Variants in PDS5B observed in about 807,000 individuals in gnomAD.
The protein encoded by PDS5B is sister chromatid cohesion protein PDS5 homolog B.
A neutral mutation model predicts 184.1 loss-of-function variants in PDS5B; 51 were observed. That is an observed-to-expected ratio of 0.28 (90% CI 0.22 to 0.35). The LOEUF is 0.35. PDS5B is among the 10% of genes least tolerant of loss of function. The pLI is 1.00. For synonymous variants in PDS5B, 566 were observed against 569.2 expected, an observed-to-expected ratio of 0.99 and a Z score of 0.08; for missense variants, 1,180 against 1,723.3, an observed-to-expected ratio of 0.68 and a Z score of 5.58.
intron 29 of PDS5B, among the ~76,000 whole-genome samples, chr13:32,760,126 T>C (rs913726184): frequency 5.9e-5 from 9 of 152,130 alleles, no homozygotes; most frequent in Non-Finnish European, 8.8e-5. Context: ...TGGCTAATTT[T>C]TTGTATTTTT....
At chr13:32,625,855 T>G (rs1332705448) in intron 1 of PDS5B, among the ~76,000 whole-genome samples, 1 of 136,962 alleles carries the variant, frequency 7.3e-6, no homozygotes, top group Non-Finnish European at 1.6e-5. Context: ...TTTTTTTTTT[T>G]GAGACAGGGT....
intron 1 of PDS5B, among the ~76,000 whole-genome samples, chr13:32,594,829 C>G (rs369918000): frequency 6.6e-6 from 1 of 152,052 alleles, no homozygotes; most frequent in African/African-American, 2.4e-5. Flanking sequence ...TAGTGAGAGC[C>G]TGATGTCTGT....
At chr13:32,586,975 G>T (rs1310484131) in intron 1 of PDS5B, among the ~76,000 whole-genome samples, 1 of 137,864 alleles carries the variant, frequency 7.3e-6, no homozygotes, top group Non-Finnish European at 1.6e-5. Context: ...GGGGCCGCCC[G>T]GCCGCCCGCG....
At chr13:32,756,357 G>T (rs1472558167) in intron 26 of PDS5B, among the ~76,000 whole-genome samples, 2 of 152,078 alleles carry the variant, frequency 1.3e-5, no homozygotes, top group African/African-American at 4.8e-5. Flanking sequence ...ATCTTCCTCT[G>T]TAGAAGGAGA....
At chr13:32,632,460 G>T (rs1456152969) in intron 1 of PDS5B, among the ~76,000 whole-genome samples, 3 of 152,070 alleles carry the variant, frequency 2.0e-5, no homozygotes, top group Non-Finnish European at 4.4e-5. Context: ...ACATAATGAG[G>T]TTACACTGCA....
At chr13:32,710,177 T>C in intron 19 of PDS5B, 71 bp downstream of exon 19, 2 of 1,093,398 alleles carry the variant, frequency 1.8e-6, no homozygotes, top group Non-Finnish European at 2.5e-6. Flanking sequence ...TATGCAATAA[T>C]TGGGAATCTT....
intron 1 of PDS5B, among the ~76,000 whole-genome samples, chr13:32,640,404 G>T (rs1187083279): frequency 6.6e-6 from 1 of 152,056 alleles, no homozygotes; most frequent in Non-Finnish European, 1.5e-5. Flanking sequence ...GCGCCACCAT[G>T]CCCAGCTAAT....
At position 32,709,971 on chromosome 13, in the gene PDS5B, C is replaced by T; in HGVS notation, c.1988C>T (p.Ser663Leu). The T allele has an allele frequency of 2.0e-6, 3 of 1,485,376 alleles. No individual in the cohort carries two copies. Among genetic ancestry groups the T allele is most frequent in the Non-Finnish European group, 1.8e-6 (2 of 1,099,860 alleles). 92.0% of individuals were successfully genotyped at this position (1,485,376 alleles called of 1,614,324 possible). The change falls in exon 19 of 35, where the codon TCA (serine) becomes TTA (leucine). Residue 663 changes from serine to leucine, a missense_variant. Coordinates refer to ENST00000315596, the MANE Select transcript of PDS5B (RefSeq NM_015032.4). ...LKVLSFTHPI[S>L]FHSAETFESL... is the part of the protein sequence containing the mutation. Reference sequence around the variant, plus strand: ...GTACTCTCATTTACACATCCCATCTCATTTCATTCTGCTGAAACATTTGAA... The same window carrying T: ...GTACTCTCATTTACACATCCCATCTTATTTCATTCTGCTGAAACATTTGAA...
At chr13:32,761,023 A>G (rs552049850) in intron 30 of PDS5B, among the ~76,000 whole-genome samples, 13 of 152,340 alleles carry the variant, frequency 8.5e-5, no homozygotes, top group Admixed American at 1.3e-4. Flanking sequence ...GTATGATACA[A>G]TGGAATACAT....
At chr13:32,721,047 A>G (rs1952661417) in intron 19 of PDS5B, among the ~76,000 whole-genome samples, 1 of 152,230 alleles carries the variant, frequency 6.6e-6, no homozygotes, top group Non-Finnish European at 1.5e-5. Context: ...ACTTCTTTCT[A>G]CACAGACACA....
chr13:32,677,726 C>CT (rs1218841307), intron 9 of PDS5B, among the ~76,000 whole-genome samples: 1 of 151,430 alleles, frequency 6.6e-6, no homozygotes, highest in Non-Finnish European at 1.5e-5. Context: ...GTTTTGAAGA[C>CT]TTTTTCCCAC....
At chr13:32,620,708 A>G (rs73451434) in intron 1 of PDS5B, among the ~76,000 whole-genome samples, 1,585 of 151,092 alleles carry the variant, frequency 0.01, 38 homozygotes, top group African/African-American at 0.036. Flanking sequence ...GATTGTTTCT[A>G]GCTTTAGAGG....
chr13:32,686,540 T>C (rs1281280172), intron 11 of PDS5B, among the ~76,000 whole-genome samples: 1 of 152,158 alleles, frequency 6.6e-6, no homozygotes, highest in Non-Finnish European at 1.5e-5. Context: ...TCCCAGCACT[T>C]TAGGAGGCTG....
intron 17 of PDS5B, among the ~76,000 whole-genome samples, chr13:32,704,708 A>G (rs942218498): frequency 6.6e-6 from 1 of 152,218 alleles, no homozygotes; most frequent in African/African-American, 2.4e-5. Flanking sequence ...AAGTTCTTTC[A>G]TCCCTCCTTC....
intron 6 of PDS5B, among the ~76,000 whole-genome samples, chr13:32,662,718 A>G (rs938107653): frequency 6.6e-6 from 1 of 152,164 alleles, no homozygotes; most frequent in African/African-American, 2.4e-5. Context: ...TAATAAAAAC[A>G]TGAGAATAAA....
chr13:32,673,389 C>G (rs1182697877), intron 8 of PDS5B, 33 bp downstream of exon 8: 1 of 1,559,806 alleles, frequency 6.4e-7, no homozygotes, highest in Non-Finnish European at 8.8e-7. Context: ...TTCTACCAAC[C>G]AAGTTATTAG....
At chr13:32,753,562 A>G (rs549758722) in intron 25 of PDS5B, 26 bp downstream of exon 25, 4 of 1,507,546 alleles carry the variant, frequency 2.7e-6, no homozygotes, top group South Asian at 1.2e-5. Context: ...AATGGAAAGG[A>G]TACTTTTTCA....
intron 15 of PDS5B, among the ~76,000 whole-genome samples, chr13:32,699,408 T>C (rs1208181917): frequency 6.6e-6 from 1 of 152,282 alleles, no homozygotes; most frequent in Non-Finnish European, 1.5e-5. Flanking sequence ...TGCAACAAGC[T>C]CAAGGGGACA....
chr13:32,680,113 T>C (rs1951196395), intron 10 of PDS5B, among the ~76,000 whole-genome samples: 1 of 152,182 alleles, frequency 6.6e-6, no homozygotes, highest in South Asian at 2.1e-4. Context: ...TGCTTTTGTC[T>C]TTTTTTCCAT....
Sources: gnomAD v4.1 joint callset for allele counts (sites outside exome capture counted in the v4.1 genomes callset) on GRCh38, gnomAD v4.1.1 for gene constraint, MANE v1.5 for transcripts, NCBI Gene and HGNC (gene_info 2026-07-23, HGNC 2026-07-21) for gene names.